The following PRKCH variants were observed in gnomAD, a reference collection of about 807,000 sequenced individuals.
The protein encoded by PRKCH is protein kinase C eta.
In PRKCH, 28 loss-of-function variants were observed where a neutral mutation model predicts 82.5. The ratio of observed to expected loss-of-function variants is 0.34; its 90% confidence interval spans 0.25 to 0.47. PRKCH has a LOEUF of 0.47. Among genes scored for constraint, PRKCH ranks in the 20% least tolerant of loss-of-function variants. The pLI is 1.00. For missense variants in PRKCH, 705 were observed against 881.8 expected (o/e 0.80, Z 2.54); for synonymous variants, 322 against 327.4 (o/e 0.98, Z 0.18).
At chr14:61,209,354 A>C (rs925927106) in intron 1 of PRKCH, among the ~76,000 whole-genome samples, 1 of 149,920 alleles carries the variant, frequency 6.7e-6, no homozygotes, top group Non-Finnish European at 1.5e-5. Context: ...CCACCCAGGA[A>C]GAAGGCCCTC....
intron 10 of PRKCH, among the ~76,000 whole-genome samples, chr14:61,511,042 G>A (rs193150344): frequency 1.3e-5 from 2 of 152,226 alleles, no homozygotes; most frequent in Admixed American, 1.3e-4. Flanking sequence ...GACTTAGGTA[G>A]GATTTAAGTG....
intron 9 of PRKCH, among the ~76,000 whole-genome samples, chr14:61,471,836 G>A (rs1054152338): frequency 1.3e-5 from 2 of 152,098 alleles, no homozygotes; most frequent in Non-Finnish European, 2.9e-5. Flanking sequence ...TCCCAGGGGG[G>A]AAGAATCTCC....
chr14:61,515,117 T>G (rs1446611250), intron 10 of PRKCH, among the ~76,000 whole-genome samples: 3 of 152,198 alleles, frequency 2.0e-5, no homozygotes, highest in Non-Finnish European at 4.4e-5. Flanking sequence ...ATCACACCAC[T>G]GAGTGTCAAA....
chr14:61,400,262 A>C (rs1309698427), intron 2 of PRKCH, among the ~76,000 whole-genome samples: 1 of 152,240 alleles, frequency 6.6e-6, no homozygotes, highest in East Asian at 1.9e-4. Flanking sequence ...CTTCAGATGC[A>C]TGTCATTTTT....
chr14:61,254,267 G>A (rs1314984472), intron 1 of PRKCH, among the ~76,000 whole-genome samples: 2 of 151,974 alleles, frequency 1.3e-5, no homozygotes, highest in Non-Finnish European at 2.9e-5. Flanking sequence ...GCTTTTACCT[G>A]AAATATTGAT....
chr14:61,266,878 A>G (rs967706927), intron 1 of PRKCH, among the ~76,000 whole-genome samples: 2 of 151,938 alleles, frequency 1.3e-5, no homozygotes, highest in African/African-American at 4.8e-5. Context: ...GGTGATGGGG[A>G]TGGGTGATGG....
chr14:61,322,498 C>T (rs753168545), intron 1 of PRKCH, 34 bp downstream of exon 1: 19 of 1,568,850 alleles, frequency 1.2e-5, no homozygotes, highest in Middle Eastern at 3.4e-4. Context: ...TTTGTGTCCA[C>T]CCAACCCCCG....
intron 1 of PRKCH, among the ~76,000 whole-genome samples, chr14:61,296,777 A>C (rs1334911186): frequency 1.3e-5 from 2 of 152,212 alleles, no homozygotes; most frequent in Non-Finnish European, 2.9e-5. Flanking sequence ...TTCTGTGGGA[A>C]TAGTGTATAC....
chr14:61,375,112 C>G (rs1269023841), intron 1 of PRKCH, among the ~76,000 whole-genome samples: 3 of 151,996 alleles, frequency 2.0e-5, no homozygotes, highest in Non-Finnish European at 2.9e-5. Context: ...CCTAAATTAT[C>G]TCTCTCAAGT....
At chr14:61,366,400 GTTTC>G (rs949822576) in intron 1 of PRKCH, among the ~76,000 whole-genome samples, 2 of 152,026 alleles carry the variant, frequency 1.3e-5, no homozygotes, top group Non-Finnish European at 2.9e-5. Flanking sequence ...ATCCTTTTCT[GTTTC>G]TTTATTTCCT....
At chr14:61,507,911 G>A (rs930568957) in intron 10 of PRKCH, among the ~76,000 whole-genome samples, 4 of 151,990 alleles carry the variant, frequency 2.6e-5, no homozygotes, top group African/African-American at 9.7e-5. Context: ...TTTGCTAAGA[G>A]AGTACATCTT....
intron 1 of PRKCH, among the ~76,000 whole-genome samples, chr14:61,357,993 A>G (rs2046173942): frequency 6.6e-6 from 1 of 151,868 alleles, no homozygotes. Context: ...GCCTCCTTAA[A>G]TTTTCCAGGA....
At chr14:61,267,462 T>G (rs780414608) in intron 1 of PRKCH, among the ~76,000 whole-genome samples, 2 of 152,174 alleles carry the variant, frequency 1.3e-5, no homozygotes, top group Non-Finnish European at 2.9e-5. Context: ...ACGAACTACA[T>G]GTAGGCTTTG....
rs1304513002 is a variant in PRKCH, at chr14:61,451,196, A to G, written c.832+225A>G. Among the ~76,000 whole-genome samples, 6 of 152,256 alleles carry G rather than the reference A, an allele frequency of 3.9e-5. No individual in the cohort carries two copies. The highest frequency in any genetic ancestry group is 7.3e-5 in the Non-Finnish European group (5 of 68,050). ...CATAGGACATTAAGTCAAATGGTAT[A>G]TTCAGTGATCTAGCTCGCTAGCTGA... On this transcript the variant is annotated intron_variant, in intron 6 of 13. Transcript: ENST00000332981.
Position 61,189,708 on chromosome 14 carries a change from C to G in PRKCH, c.-19+2040C>G, listed in dbSNP as rs78958009. Among the ~76,000 whole-genome samples the G allele has an allele frequency of 3.9e-3, 587 of 151,294 alleles. 6 individuals are homozygous for G. The highest frequency in any genetic ancestry group is 0.014 in the African/African-American group (568 of 41,156). On this transcript the variant is annotated intron_variant, in intron 1 of 3. Transcript: ENST00000555185. ...TTTTTTTTTTCTGATAATGACCACA[C>G]TTTTTAACCTGTTGCTTTCTTTTAG...
chr14:61,271,001 G>T (rs978083785), intron 1 of PRKCH, among the ~76,000 whole-genome samples: 5 of 152,114 alleles, frequency 3.3e-5, no homozygotes, highest in African/African-American at 7.2e-5. Flanking sequence ...ACAAGTAAAG[G>T]TGTCATGAAA....
rs1040564654 is a variant in PRKCH, at chr14:61,461,304, C to T, written c.1278+3625C>T. ...ACGTAAAGCCCCTCCCCTGCCCTCA[C>T]CCCCTTGTTGGGCTCTTTTCTTGGA... On this transcript the variant is annotated intron_variant, in intron 9 of 13. Transcript: ENST00000332981. Among the ~76,000 whole-genome samples, 6 of 152,224 alleles carry T rather than the reference C, an allele frequency of 3.9e-5. 1 individual carries two copies. The highest frequency in any genetic ancestry group is 1.4e-4 in the African/African-American group (6 of 41,462).
chr14:61,266,442 C>T (rs562239038), intron 1 of PRKCH, among the ~76,000 whole-genome samples: 57 of 145,044 alleles, frequency 3.9e-4, no homozygotes, highest in Middle Eastern at 3.6e-3. Context: ...TAAATAAATA[C>T]ATAAATAAAA....
chr14:61,457,601 C>T lies in PRKCH; in HGVS notation c.1200C>T (p.Thr400=), dbSNP rs531528113. 6.2e-7 allele frequency: 1 copy of T among 1,614,004 alleles called. No homozygotes were observed. Among genetic ancestry groups the T allele is most frequent in the African/African-American group, 1.3e-5 (1 of 74,898 alleles). The change falls in exon 9 of 14, where the codon ACC becomes ACT. Residue 400 remains threonine, a synonymous_variant. Coordinates refer to ENST00000332981, the MANE Select transcript of PRKCH (RefSeq NM_006255.5). ...VILQDDDVEC[T]MTEKRILSLA... The stretch of plus-strand genomic sequence containing the variant: ...TGCAGGATGATGATGTGGAATGCAC[C>T]ATGACCGAGAAAAGGATCCTGTCTC...
Sources: allele counts gnomAD v4.1 joint callset (sites outside exome capture counted in the v4.1 genomes callset), GRCh38; gene constraint gnomAD v4.1.1; transcripts MANE v1.5; gene names NCBI Gene and HGNC (gene_info 2026-07-23, HGNC 2026-07-21).